The following DNAH3 variants were observed in gnomAD, a reference collection of about 807,000 sequenced individuals.
The protein encoded by DNAH3 is axonemal beta dynein heavy chain 3.
Under a neutral mutation model 432.5 loss-of-function variants are expected in DNAH3, and 332 were observed. That is an observed-to-expected ratio of 0.77 (90% confidence interval 0.70 to 0.84). DNAH3 has a LOEUF of 0.84. Among genes scored for constraint, DNAH3 ranks in the 40% least tolerant of loss-of-function variants. DNAH3 has a pLI of 0.00. For synonymous variants in DNAH3, 1,956 were observed against 1,900.2 expected (o/e 1.03, Z -0.76); for missense variants, 4,861 against 5,114.0 (o/e 0.95, Z 1.51).
chr16:21,077,548 A>T (rs2091018915), intron 20 of DNAH3, among the ~76,000 whole-genome samples: 1 of 152,032 alleles, frequency 6.6e-6, no homozygotes, highest in African/African-American at 2.4e-5. Flanking sequence ...TCCCTTTTCA[A>T]AAACACCTAC....
intron 29 of DNAH3, among the ~76,000 whole-genome samples, chr16:21,051,191 C>T (rs1013276951): frequency 4.6e-5 from 7 of 152,144 alleles, no homozygotes; most frequent in African/African-American, 1.2e-4. Context: ...ATCACAAAAC[C>T]GACAAGTTCA....
intron 51 of DNAH3, among the ~76,000 whole-genome samples, chr16:20,971,310 G>A (rs1255123596): frequency 1.3e-5 from 2 of 151,994 alleles, no homozygotes; most frequent in Non-Finnish European, 2.9e-5. Flanking sequence ...TCCTAATATG[G>A]ATTTCATTTG....
intron 31 of DNAH3, among the ~76,000 whole-genome samples, chr16:21,045,794 T>G (rs900497572): frequency 5.6e-4 from 84 of 150,792 alleles, no homozygotes; most frequent in African/African-American, 2.0e-3. Flanking sequence ...TCTTTCCTGC[T>G]TTCTCTTGTG....
chr16:21,097,206 A>C, intron 18 of DNAH3, 149 bp downstream of exon 18: 1 of 954,204 alleles, frequency 1.0e-6, no homozygotes, highest in Non-Finnish European at 1.6e-6. Flanking sequence ...CACATCAGAT[A>C]ATTTTGACTG....
At chr16:21,104,698 G>A (rs1346318081) in intron 15 of DNAH3, 104 bp from the exon 16 acceptor site, 2 of 676,642 alleles carry the variant, frequency 3.0e-6, no homozygotes, top group Non-Finnish European at 5.3e-6. Context: ...GAGTGGTGTG[G>A]GGGTGGCAAT....
At chr16:21,148,353 G>A (rs1008150199) in intron 1 of DNAH3, among the ~76,000 whole-genome samples, 2 of 152,060 alleles carry the variant, frequency 1.3e-5, no homozygotes, top group Admixed American at 1.3e-4. Flanking sequence ...AGAAAATGAG[G>A]GTGAGAAGAT....
chr16:21,097,127 G>GGGT (rs1330760062), intron 18 of DNAH3, among the ~76,000 whole-genome samples: 3 of 152,248 alleles, frequency 2.0e-5, no homozygotes, highest in African/African-American at 7.2e-5. Context: ...TCGTGACTCT[G>GGGT]GGTGGCTGCC....
At chr16:20,963,227 A>T in intron 53 of DNAH3, 57 bp downstream of exon 53, 1 of 1,519,876 alleles carries the variant, frequency 6.6e-7, no homozygotes, top group Non-Finnish European at 9.0e-7. Context: ...CGGGCTACTG[A>T]TATCCACCCA....
intron 27 of DNAH3, among the ~76,000 whole-genome samples, 178 bp from the exon 28 acceptor site, chr16:21,054,712 T>C (rs1237445648): frequency 6.6e-6 from 1 of 152,206 alleles, no homozygotes; most frequent in African/African-American, 2.4e-5. Flanking sequence ...CCTAATGCAT[T>C]ATGCTGAAAG....
At chr16:20,996,234 T>C (rs892336058) in intron 44 of DNAH3, among the ~76,000 whole-genome samples, 2 of 152,192 alleles carry the variant, frequency 1.3e-5, no homozygotes, top group Non-Finnish European at 2.9e-5. Context: ...ATATAATACA[T>C]ATATATGTAG....
At chr16:21,047,581 ATTTTT>A (rs1202248486) in intron 31 of DNAH3, among the ~76,000 whole-genome samples, 3 of 148,818 alleles carry the variant, frequency 2.0e-5, no homozygotes, top group Non-Finnish European at 3.0e-5. Context: ...ATTCTTCTAA[ATTTTT>A]TTCAAAGTTT....
chr16:20,953,848 G>A (rs988973554), intron 55 of DNAH3, among the ~76,000 whole-genome samples: 5 of 151,882 alleles, frequency 3.3e-5, no homozygotes, highest in Admixed American at 1.3e-4. Flanking sequence ...CGCCTCAAGC[G>A]ATCCTCCCAC....
intron 36 of DNAH3, among the ~76,000 whole-genome samples, chr16:21,033,231 G>GA: frequency 6.6e-6 from 1 of 151,912 alleles, no homozygotes; most frequent in East Asian, 1.9e-4. Flanking sequence ...AATGTTATTA[G>GA]AAAAAAAATT....
chr16:21,153,371 G>T (rs1374456946), intron 1 of DNAH3, among the ~76,000 whole-genome samples: 1 of 152,086 alleles, frequency 6.6e-6, no homozygotes, highest in Non-Finnish European at 1.5e-5. Context: ...GAACCTTTGT[G>T]TGGACACTCT....
At chr16:21,115,736 AAAATAAAATAAAAATAAAATAAAAT>A (rs1302168587) in intron 12 of DNAH3, among the ~76,000 whole-genome samples, 1 of 149,880 alleles carries the variant, frequency 6.7e-6, no homozygotes, top group East Asian at 2.0e-4. Flanking sequence ...AAAATAAAAT[AAAATAAAATAAAAATAAAATAAAAT>A]AAATAAAATA....
intron 52 of DNAH3, among the ~76,000 whole-genome samples, chr16:20,967,446 C>G (rs1030175936): frequency 6.7e-6 from 1 of 149,894 alleles, no homozygotes; most frequent in Admixed American, 6.7e-5. Flanking sequence ...GGCTGCATCC[C>G]AGACCAATGG....
chr16:20,943,538 G>C (rs1441100004), intron 58 of DNAH3, among the ~76,000 whole-genome samples: 1 of 151,352 alleles, frequency 6.6e-6, no homozygotes, highest in Non-Finnish European at 1.5e-5. Context: ...TTCCAGTTCT[G>C]ACCATCTTTC....
At chr16:21,145,766 G>A (rs1281044793) in intron 2 of DNAH3, among the ~76,000 whole-genome samples, 1 of 152,164 alleles carries the variant, frequency 6.6e-6, no homozygotes, top group Non-Finnish European at 1.5e-5. Context: ...ATCAGTGGAC[G>A]GCCAGATTCT....
At chr16:21,150,024 A>G (rs2152835599) in intron 1 of DNAH3, among the ~76,000 whole-genome samples, 1 of 152,116 alleles carries the variant, frequency 6.6e-6, no homozygotes, top group South Asian at 2.1e-4. Context: ...TCGGGAGTTC[A>G]AGACCAGCCT....
Sources: allele counts gnomAD v4.1 joint callset (sites outside exome capture counted in the v4.1 genomes callset), GRCh38; gene constraint gnomAD v4.1.1; transcripts MANE v1.5; gene names NCBI Gene and HGNC (gene_info 2026-07-23, HGNC 2026-07-21).